Variants in KLHL20 observed in about 807,000 individuals in gnomAD.
KLHL20 encodes kelch like family member 20.
A neutral mutation model predicts 69.5 loss-of-function variants in KLHL20; 29 were observed. The observed-to-expected ratio is 0.42, with a 90% CI of 0.31 to 0.57. KLHL20 has a LOEUF of 0.57. KLHL20 is among the 20% of genes least tolerant of loss of function. KLHL20 has a pLI of 0.18. For synonymous variants in KLHL20, 253 were observed against 265.2 expected (o/e 0.95, Z 0.45); for missense variants, 419 against 776.0 (o/e 0.54, Z 5.47).
chr1:173,774,244 T>A, intron 8 of KLHL20, 61 bp from the exon 9 acceptor site: 1 of 1,601,886 alleles, frequency 6.2e-7, no homozygotes, highest in Non-Finnish European at 8.5e-7. Flanking sequence ...TGATTTCAGA[T>A]CTTATGAAAA....
chr1:173,765,258 C>A (rs187566360), intron 7 of KLHL20, among the ~76,000 whole-genome samples: 13 of 152,280 alleles, frequency 8.5e-5, no homozygotes, highest in African/African-American at 2.9e-4. Context: ...AATCCCAGCT[C>A]TTTGGGAGGC....
intron 3 of KLHL20, among the ~76,000 whole-genome samples, chr1:173,745,121 G>C (rs1483660409): frequency 2.7e-5 from 4 of 150,352 alleles, no homozygotes; most frequent in Non-Finnish European, 5.9e-5. Context: ...TGTATCTCTT[G>C]GGAACGTTTT....
At chr1:173,722,482 C>T (rs1041537882) in intron 2 of KLHL20, among the ~76,000 whole-genome samples, 4 of 151,794 alleles carry the variant, frequency 2.6e-5, no homozygotes, top group Non-Finnish European at 4.4e-5. Context: ...TTAAGCCAGG[C>T]GTGGTAGCAT....
chr1:173,740,123 CTTT>C (rs377138582), intron 3 of KLHL20, among the ~76,000 whole-genome samples: 5 of 122,218 alleles, frequency 4.1e-5, no homozygotes, highest in Non-Finnish European at 1.8e-5. Context: ...TTTCTTTTTT[CTTT>C]TTTTTTTTTT....
At chr1:173,784,936 ATGAG>A (rs1230837100) in intron 11 of KLHL20, among the ~76,000 whole-genome samples, 1 of 152,210 alleles carries the variant, frequency 6.6e-6, no homozygotes, top group African/African-American at 2.4e-5. Flanking sequence ...ACAGCCTCCT[ATGAG>A]TGAGAGCATG....
chr1:173,715,142 ATATGTGGTC>A (rs1671406914), intron 1 of KLHL20, 64 bp downstream of exon 1: 1 of 152,372 alleles, frequency 6.6e-6, no homozygotes, highest in South Asian at 2.1e-4. Flanking sequence ...CGCTTCGCAG[ATATGTGGTC>A]CCAAGTTGCT....
chr1:173,754,349 G>A (rs1458790420), intron 5 of KLHL20, among the ~76,000 whole-genome samples: 1 of 152,156 alleles, frequency 6.6e-6, no homozygotes, highest in Non-Finnish European at 1.5e-5. Flanking sequence ...CACTTTGGGA[G>A]GCCGAGGTGG....
At chr1:173,742,261 A>G (rs1297729837) in intron 3 of KLHL20, among the ~76,000 whole-genome samples, 1 of 152,180 alleles carries the variant, frequency 6.6e-6, no homozygotes, top group Non-Finnish European at 1.5e-5. Flanking sequence ...TGCTAGTGTG[A>G]GTATAAATTA....
chr1:173,742,750 A>G (rs1672874631), intron 3 of KLHL20, among the ~76,000 whole-genome samples: 3 of 151,082 alleles, frequency 2.0e-5, no homozygotes, highest in African/African-American at 7.3e-5. Flanking sequence ...ATATATGTAA[A>G]TATGTATATA....
rs905203854 is a variant in KLHL20, at chr1:173,785,071, A to C, written c.1746-92A>C. 1.2e-5 allele frequency: 11 copies of C among 930,024 alleles called. No individual in the cohort carries two copies. The African/African-American group carries it at 1.9e-4, about 16-fold the overall frequency. 57.6% of individuals were successfully genotyped at this position (930,024 alleles called of 1,614,324 possible). A position where few individuals can be genotyped will look rare whatever the true frequency, so the allele number is the denominator to read the frequency against. ...ATTAGTTGTAATATAAAACATAGAA[A>C]CGTGTTAATAACATCTTAGTCGTAG... On this transcript the variant is annotated intron_variant, in intron 11 of 11. Coordinates refer to ENST00000209884, the MANE Select transcript of KLHL20 (RefSeq NM_014458.4).
At position 173,753,080 on chromosome 1, in the gene KLHL20, G is replaced by A. The variant is rs552652567; in HGVS notation, c.757-133G>A. ...TGCAGCTACTCTGGAGGCTGAGGTA[G>A]GCACATCACTTGAGCCCAGGAGATT... On this transcript the variant is annotated intron_variant, in intron 4 of 11. Coordinates refer to ENST00000209884, the MANE Select transcript of KLHL20 (RefSeq NM_014458.4). The A allele has an allele frequency of 2.3e-4, 148 of 653,444 alleles. No individual in the cohort carries two copies. The South Asian group carries it at 2.6e-3, about 11-fold the overall frequency. The allele number at this position is 653,444 out of a possible 1,614,324, so 40.5% of individuals were successfully genotyped here.
intron 2 of KLHL20, among the ~76,000 whole-genome samples, chr1:173,733,017 C>T (rs956908342): frequency 6.7e-6 from 1 of 148,876 alleles, no homozygotes; most frequent in Non-Finnish European, 1.5e-5. Context: ...AACTTCAATC[C>T]AGACTTTTTT....
chr1:173,750,259 G>T (rs1005881830), intron 3 of KLHL20, among the ~76,000 whole-genome samples: 4 of 152,058 alleles, frequency 2.6e-5, no homozygotes, highest in African/African-American at 9.6e-5. Context: ...GCCCTTTACT[G>T]TTTTGAGATT....
intron 7 of KLHL20, among the ~76,000 whole-genome samples, chr1:173,764,805 AAAT>A: frequency 6.6e-6 from 1 of 152,264 alleles, no homozygotes; most frequent in Non-Finnish European, 1.5e-5. Flanking sequence ...AAAGTCTCAT[AAAT>A]AACCACTAAA....
At chr1:173,745,349 G>A (rs974676998) in intron 3 of KLHL20, among the ~76,000 whole-genome samples, 4 of 151,346 alleles carry the variant, frequency 2.6e-5, no homozygotes, top group African/African-American at 9.7e-5. Flanking sequence ...TTTTAGTAGA[G>A]ACAAGGTTTC....
At chr1:173,746,186 A>G (rs1041698826) in intron 3 of KLHL20, among the ~76,000 whole-genome samples, 10 of 152,214 alleles carry the variant, frequency 6.6e-5, no homozygotes, top group African/African-American at 2.4e-4. Context: ...GTTAGAATCT[A>G]TTCGCTAATA....
At chr1:173,728,544 T>C (rs1672093207) in intron 2 of KLHL20, among the ~76,000 whole-genome samples, 1 of 152,156 alleles carries the variant, frequency 6.6e-6, no homozygotes, top group Non-Finnish European at 1.5e-5. Context: ...ACAAACTGTC[T>C]CTCAGACCAC....
chr1:173,734,527 A>T lies in KLHL20; in HGVS notation c.597+241A>T, dbSNP rs1043304773. ...GTATTCATAAAAGTATTTAAAAAAAAATTTTTAAAAAGGTTTATTTATAAG... is the reference window on the plus strand; with the variant it reads ...GTATTCATAAAAGTATTTAAAAAAATATTTTTAAAAAGGTTTATTTATAAG... On this transcript the variant is annotated intron_variant, in intron 3 of 11. Coordinates refer to ENST00000209884, the MANE Select transcript of KLHL20 (RefSeq NM_014458.4). The T allele has an allele frequency of 3.5e-5, 17 of 483,458 alleles. No homozygotes were observed. The Admixed American group carries it at 5.3e-4, about 15-fold the overall frequency. The allele number at this position is 483,458 out of a possible 1,614,324, so 29.9% of individuals were successfully genotyped here.
At chr1:173,769,298 A>AT (rs1354599859) in intron 8 of KLHL20, among the ~76,000 whole-genome samples, 2 of 152,138 alleles carry the variant, frequency 1.3e-5, no homozygotes, top group Non-Finnish European at 2.9e-5. Context: ...GGGGAATAAA[A>AT]TAACACCTGG....
Sources: gnomAD v4.1 joint callset for allele counts (sites outside exome capture counted in the v4.1 genomes callset) on GRCh38, gnomAD v4.1.1 for gene constraint, MANE v1.5 for transcripts, NCBI Gene and HGNC (gene_info 2026-07-23, HGNC 2026-07-21) for gene names.